The following CSPP1 variants were observed in gnomAD, a reference collection of about 807,000 sequenced individuals.
CSPP1 encodes the protein centrosome and spindle pole associated protein 1.
Under a neutral mutation model 164.4 loss-of-function variants are expected in CSPP1, and 126 were observed. The observed-to-expected ratio is 0.77, with a 90% CI of 0.66 to 0.89. CSPP1 has a LOEUF of 0.89. Among genes scored for constraint, CSPP1 ranks in the 40% least tolerant of loss-of-function variants. CSPP1 has a pLI of 0.00. For missense variants in CSPP1, 1,395 were observed against 1,449.8 expected (o/e 0.96, Z 0.61); for synonymous variants, 472 against 476.7 (o/e 0.99, Z 0.13).
chr8:67,115,802 G>T, intron 12 of CSPP1, 112 bp from the exon 13 acceptor site: 1 of 667,090 alleles, frequency 1.5e-6, no homozygotes, highest in Non-Finnish European at 2.6e-6. Flanking sequence ...GTAAAATTCT[G>T]TTATTCTGTG....
intron 15 of CSPP1, among the ~76,000 whole-genome samples, chr8:67,124,138 A>G (rs1258063949): frequency 7.2e-6 from 1 of 138,360 alleles, no homozygotes; most frequent in African/African-American, 2.8e-5. Context: ...TGACCTCATG[A>G]TCCACCCGCC....
At chr8:67,124,220 A>G (rs184036693) in intron 15 of CSPP1, among the ~76,000 whole-genome samples, 12 of 152,210 alleles carry the variant, frequency 7.9e-5, no homozygotes, top group African/African-American at 2.9e-4. Flanking sequence ...TTTATGTTAA[A>G]TATTTAATAG....
intron 18 of CSPP1, among the ~76,000 whole-genome samples, chr8:67,150,940 T>C (rs1004080410): frequency 3.3e-5 from 5 of 152,218 alleles, no homozygotes; most frequent in African/African-American, 1.2e-4. Context: ...AAGTTTTGAT[T>C]TTAGATTAGA....
intron 16 of CSPP1, among the ~76,000 whole-genome samples, chr8:67,132,634 G>A (rs141745501): frequency 7.9e-5 from 12 of 152,290 alleles, no homozygotes; most frequent in African/African-American, 2.2e-4. Flanking sequence ...AGATGGGGAC[G>A]TTGGGGAAGA....
chr8:67,085,691 G>A (rs747787742), intron 3 of CSPP1, among the ~76,000 whole-genome samples: 4 of 152,074 alleles, frequency 2.6e-5, no homozygotes, highest in Non-Finnish European at 5.9e-5. Flanking sequence ...ATATAAATAT[G>A]TATATGATAA....
Position 67,095,706 on chromosome 8 carries a change from A to G in CSPP1, c.897A>G (p.Arg299=), listed in dbSNP as rs774720486. 2 of 1,599,790 alleles carry G rather than the reference A, an allele frequency of 1.3e-6. No homozygotes were observed. The highest frequency in any genetic ancestry group is 4.5e-5 in the East Asian group (2 of 44,724). Residue 299 remains arginine, a synonymous_variant, in exon 7 of 31, where the codon AGA becomes AGG. Transcript: ENST00000678616. ...GATATGAAAGTGATTTTGATAGAAG[A>G]CTTTCGAGAGTGTATACAAATGACA... ...RFRYESDFDR[R]LSRVYTNDRM...
In CSPP1 at chr8:67,147,901, T is replaced by C. The variant is rs1327702129; in HGVS notation, c.1976-1882T>C. Among the ~76,000 whole-genome samples, 3 of 152,162 alleles carry C rather than the reference T, an allele frequency of 2.0e-5. No homozygotes were observed. The East Asian group carries it at 5.8e-4, about 29-fold the overall frequency. On this transcript the variant is annotated intron_variant, in intron 17 of 30. Transcript: ENST00000678616. ...CCCTACAGATTGATCTTTAAATCTTTTTCTTTGCCCTCAACCATTTTTATT... is the reference window on the plus strand; with the variant it reads ...CCCTACAGATTGATCTTTAAATCTTCTTCTTTGCCCTCAACCATTTTTATT...
At chr8:67,111,199 A>G (rs183164256) in intron 9 of CSPP1, among the ~76,000 whole-genome samples, 2 of 152,300 alleles carry the variant, frequency 1.3e-5, no homozygotes, top group East Asian at 3.9e-4. Flanking sequence ...TGTGGCATTA[A>G]CATATGCAAT....
intron 13 of CSPP1, among the ~76,000 whole-genome samples, chr8:67,116,763 G>A (rs1818008819): frequency 6.6e-6 from 1 of 151,956 alleles, no homozygotes; most frequent in African/African-American, 2.4e-5. Context: ...TAGGGCCTGG[G>A]CTTATTTTTT....
At chr8:67,185,112 AAAAAAC>A (rs1372846767) in intron 28 of CSPP1, among the ~76,000 whole-genome samples, 2 of 150,842 alleles carry the variant, frequency 1.3e-5, no homozygotes, top group South Asian at 2.1e-4. Context: ...CTCAAAAAAA[AAAAAAC>A]AAAAACAAAC....
At chr8:67,096,347 G>A (rs1304337617) in intron 7 of CSPP1, among the ~76,000 whole-genome samples, 1 of 151,668 alleles carries the variant, frequency 6.6e-6, no homozygotes, top group Admixed American at 6.6e-5. Context: ...CGGGCGGATC[G>A]CGAGGTAAGG....
At chr8:67,072,957 G>A (rs1358364699) in intron 1 of CSPP1, among the ~76,000 whole-genome samples, 6 of 150,772 alleles carry the variant, frequency 4.0e-5, no homozygotes, top group African/African-American at 9.7e-5. Context: ...ATGATTATAT[G>A]TATGGTAAAA....
At chr8:67,152,885 A>G (rs1247029797) in intron 18 of CSPP1, among the ~76,000 whole-genome samples, 1 of 152,220 alleles carries the variant, frequency 6.6e-6, no homozygotes, top group African/African-American at 2.4e-5. Context: ...ATTTGCCTAT[A>G]CAAAACTACA....
At chr8:67,066,308 T>C (rs1805532621) in intron 1 of CSPP1, among the ~76,000 whole-genome samples, 1 of 152,224 alleles carries the variant, frequency 6.6e-6, no homozygotes, top group Non-Finnish European at 1.5e-5. Flanking sequence ...GGATGCCATC[T>C]GCCAGGAGGA....
In CSPP1 at chr8:67,167,779, G is replaced by A. The variant is rs2129564464; in HGVS notation, c.2828+3271G>A. Among the ~76,000 whole-genome samples the A allele has an allele frequency of 2.0e-5, 3 of 151,818 alleles. No homozygotes were observed. The South Asian group carries it at 6.3e-4, about 32-fold the overall frequency. On this transcript the variant is annotated intron_variant, in intron 24 of 30. Transcript: ENST00000678616. The stretch of plus-strand genomic sequence containing the variant: ...ACGCTCCTCACTTCCTAAACGGGAT[G>A]GCGGCTGGGAAGAGGTGCTCCTCAC...
chr8:67,086,342 A>C, intron 4 of CSPP1: 1 of 544,228 alleles, frequency 1.8e-6, no homozygotes, highest in Admixed American at 2.8e-5. Flanking sequence ...AAGGCAGTGG[A>C]TTCTAATTTT....
At chr8:67,120,355 A>G (rs1244888909) in intron 15 of CSPP1, among the ~76,000 whole-genome samples, 1 of 152,156 alleles carries the variant, frequency 6.6e-6, no homozygotes, top group Non-Finnish European at 1.5e-5. Context: ...GGATCCCTGG[A>G]GATTCCATAT....
chr8:67,106,533 T>C (rs1366050008), intron 9 of CSPP1, among the ~76,000 whole-genome samples: 1 of 152,210 alleles, frequency 6.6e-6, no homozygotes, highest in African/African-American at 2.4e-5. Context: ...GTTCTTTTCA[T>C]GTAGTTTCTG....
At chr8:67,087,298 A>AAAAC (rs1233925038) in intron 4 of CSPP1, among the ~76,000 whole-genome samples, 1 of 152,172 alleles carries the variant, frequency 6.6e-6, no homozygotes, top group Admixed American at 6.5e-5. Context: ...TTTATATTGG[A>AAAAC]AAACAAAGAG....
Sources: gnomAD v4.1 joint callset for allele counts (sites outside exome capture counted in the v4.1 genomes callset) on GRCh38, gnomAD v4.1.1 for gene constraint, MANE v1.5 for transcripts, NCBI Gene and HGNC (gene_info 2026-07-23, HGNC 2026-07-21) for gene names.